Variants in COL28A1 observed in about 807,000 individuals in gnomAD.
COL28A1 encodes the protein collagen alpha-1(XXVIII) chain.
A neutral mutation model predicts 150.2 loss-of-function variants in COL28A1; 161 were observed. The observed-to-expected ratio is 1.07, with a 90% CI of 0.94 to 1.22. COL28A1 has a LOEUF of 1.22. Ranked by LOEUF, COL28A1 falls within the 50% of genes most tolerant of loss-of-function variation. The pLI, the probability that COL28A1 is intolerant of heterozygous loss-of-function variation, is 0.00. For missense variants in COL28A1, 1,617 were observed against 1,388.3 expected, an observed-to-expected ratio of 1.16 and a Z score of -2.62; for synonymous variants, 552 against 469.7, an observed-to-expected ratio of 1.18 and a Z score of -2.26.
intron 11 of COL28A1, among the ~76,000 whole-genome samples, chr7:7,498,013 A>G (rs1048860715): frequency 6.6e-6 from 1 of 152,110 alleles, no homozygotes; most frequent in Admixed American, 6.5e-5. Context: ...GCAGAAAAAG[A>G]CTCCATAATA....
At chr7:7,520,196 T>A in intron 5 of COL28A1, 81 bp from the exon 6 acceptor site, 1 of 708,636 alleles carries the variant, frequency 1.4e-6, no homozygotes, top group Non-Finnish European at 2.4e-6. Context: ...TGATCAGTTT[T>A]GTTTCCTAGA....
intron 15 of COL28A1, among the ~76,000 whole-genome samples, chr7:7,473,569 C>T (rs1467057034): frequency 6.6e-6 from 1 of 152,152 alleles, no homozygotes. Context: ...GAACAGGGAA[C>T]ACTTCTGCCT....
chr7:7,461,079 T>A (rs73346335), intron 15 of COL28A1, among the ~76,000 whole-genome samples: 1 of 152,288 alleles, frequency 6.6e-6, no homozygotes, highest in African/African-American at 2.4e-5. Flanking sequence ...TCCCAAATAT[T>A]GTGAGTGCCC....
At chr7:7,508,946 G>T (rs1049399557) in intron 9 of COL28A1, among the ~76,000 whole-genome samples, 7 of 152,112 alleles carry the variant, frequency 4.6e-5, no homozygotes, top group African/African-American at 9.7e-5. Context: ...CAATTCTCCT[G>T]CTCCAGCCTC....
chr7:7,494,637 C>A (rs1455412233), intron 11 of COL28A1, among the ~76,000 whole-genome samples: 1 of 152,144 alleles, frequency 6.6e-6, no homozygotes, highest in East Asian at 1.9e-4. Flanking sequence ...AGGTAAATAA[C>A]AATTTATGTC....
intron 13 of COL28A1, among the ~76,000 whole-genome samples, chr7:7,482,412 C>T (rs926486027): frequency 6.6e-6 from 1 of 151,800 alleles, no homozygotes; most frequent in Non-Finnish European, 1.5e-5. Context: ...ACAGTCCCAA[C>T]TACTTGGGAG....
chr7:7,418,868 G>C (rs980134549), intron 26 of COL28A1, among the ~76,000 whole-genome samples: 1 of 152,090 alleles, frequency 6.6e-6, no homozygotes. Flanking sequence ...AAGTGATCTA[G>C]AAGGTTCAAA....
At chr7:7,355,956 G>A (rs189154910), downstream of COL28A1, among the ~76,000 whole-genome samples, 140 of 152,166 alleles carry the variant, frequency 9.2e-4, 1 homozygote, top group African/African-American at 3.1e-3. Flanking sequence ...TCATAGATGA[G>A]GCATATTGTG....
At chr7:7,538,550 T>C (rs1386208962), upstream of COL28A1, among the ~76,000 whole-genome samples, 1 of 152,220 alleles carries the variant, frequency 6.6e-6, no homozygotes, top group East Asian at 1.9e-4. Context: ...TTTTCAACTT[T>C]TTCAAATTCT....
intron 33 of COL28A1, among the ~76,000 whole-genome samples, chr7:7,368,532 A>T (rs1476029712): frequency 6.6e-6 from 1 of 152,144 alleles, no homozygotes; most frequent in Non-Finnish European, 1.5e-5. Flanking sequence ...TCCAAAAATC[A>T]TACATTGAAA....
rs559496056 is a variant in COL28A1 at position 7,457,583 on chromosome 7, C to G, written c.1303-1471G>C. Among the ~76,000 whole-genome samples, 7 of 152,066 alleles carry G rather than the reference C, an allele frequency of 4.6e-5. No homozygotes were observed. The South Asian group carries it at 1.5e-3, about 32-fold the overall frequency. On this transcript the variant is annotated intron_variant, in intron 15 of 34. Coordinates refer to ENST00000399429, the MANE Select transcript of COL28A1 (RefSeq NM_001037763.3). ...ATGAGAACATAAATTTGGGAGCCCT[C>G]AGTATATAAATGATATTAAAGGCCA...
intron 34 of COL28A1, among the ~76,000 whole-genome samples, chr7:7,359,668 CT>C (rs1780537621): frequency 6.6e-6 from 1 of 152,132 alleles, no homozygotes; most frequent in Non-Finnish European, 1.5e-5. Flanking sequence ...TTTGCAATAG[CT>C]AAACCAGCAC....
intron 25 of COL28A1, among the ~76,000 whole-genome samples, chr7:7,428,212 T>TTGATTTGA (rs1290922556): frequency 6.6e-6 from 1 of 152,108 alleles, no homozygotes; most frequent in African/African-American, 2.4e-5. Context: ...TGCCAACAAC[T>TTGATTTGA]TGATGGTTAA....
chr7:7,522,589 T>G (rs1363446240), intron 4 of COL28A1, among the ~76,000 whole-genome samples: 2 of 151,964 alleles, frequency 1.3e-5, no homozygotes, highest in African/African-American at 2.4e-5. Context: ...TGGGAGAAAA[T>G]TCCAGAACAT....
intron 9 of COL28A1, among the ~76,000 whole-genome samples, chr7:7,507,617 A>G (rs1184637570): frequency 6.6e-6 from 1 of 152,206 alleles, no homozygotes; most frequent in Non-Finnish European, 1.5e-5. Context: ...CTCTTCTAAT[A>G]GAAAATATTT....
the COL28A1 span, among the ~76,000 whole-genome samples, chr7:7,339,563 A>G: frequency 6.6e-6 from 1 of 152,020 alleles, no homozygotes; most frequent in Admixed American, 6.6e-5. Flanking sequence ...CCATTACTTT[A>G]CTGTTAATTG....
At chr7:7,369,099 A>T (rs1210466430) in intron 33 of COL28A1, among the ~76,000 whole-genome samples, 1 of 152,224 alleles carries the variant, frequency 6.6e-6, no homozygotes, top group African/African-American at 2.4e-5. Flanking sequence ...CAGTTTAAGC[A>T]TCAATTCCTG....
chr7:7,497,152 A>C (rs1028881045), intron 11 of COL28A1, among the ~76,000 whole-genome samples: 4 of 151,260 alleles, frequency 2.6e-5, no homozygotes. Context: ...AATATTTATC[A>C]AGTACTTGTT....
chr7:7,485,041 G>C (rs1779547530), intron 13 of COL28A1, among the ~76,000 whole-genome samples: 2 of 151,994 alleles, frequency 1.3e-5, no homozygotes, highest in Admixed American at 1.3e-4. Flanking sequence ...TTCTTATTTG[G>C]ATGATGAAAT....
Sources: gnomAD v4.1 joint callset for allele counts (sites outside exome capture counted in the v4.1 genomes callset) on GRCh38, gnomAD v4.1.1 for gene constraint, MANE v1.5 for transcripts, NCBI Gene and HGNC (gene_info 2026-07-23, HGNC 2026-07-21) for gene names.